PHF14: variants seen among roughly 807,000 people sequenced by gnomAD.
PHF14 encodes PHD finger protein 14.
PHF14 carries 55 observed loss-of-function variants against 117.9 expected under a neutral mutation model. The observed-to-expected ratio is 0.47, with a 90% CI of 0.38 to 0.58. The LOEUF (loss-of-function observed/expected upper bound fraction) is 0.58, where lower values mean the gene tolerates loss of function less well. Among genes scored for constraint, PHF14 ranks in the 20% least tolerant of loss-of-function variants. PHF14 has a pLI of 0.00. For missense variants in PHF14, 978 were observed against 1,122.2 expected (o/e 0.87, Z 1.84); for synonymous variants, 409 against 368.6 (o/e 1.11, Z -1.26).
At chr7:11,099,724 C>T (rs1453070486) in intron 16 of PHF14, among the ~76,000 whole-genome samples, 1 of 152,012 alleles carries the variant, frequency 6.6e-6, no homozygotes, top group African/African-American at 2.4e-5. Context: ...AGATCATTGT[C>T]TTATCTTTAA....
intron 4 of PHF14, among the ~76,000 whole-genome samples, chr7:11,011,867 G>C (rs941131120): frequency 2.0e-5 from 3 of 152,154 alleles, no homozygotes; most frequent in Non-Finnish European, 2.9e-5. Context: ...GTACTTCATT[G>C]TTGGTTATCA....
intron 17 of PHF14, among the ~76,000 whole-genome samples, chr7:11,164,838 G>C (rs564316112): frequency 6.6e-6 from 1 of 152,082 alleles, no homozygotes; most frequent in Admixed American, 6.6e-5. Context: ...TTTTTATGTA[G>C]TCCAGGATTC....
intron 16 of PHF14, among the ~76,000 whole-genome samples, chr7:11,090,740 A>G (rs1562461463): frequency 1.3e-5 from 2 of 152,194 alleles, no homozygotes; most frequent in African/African-American, 4.8e-5. Context: ...AAAGGCATTC[A>G]CTTATTTATA....
intron 4 of PHF14, among the ~76,000 whole-genome samples, chr7:10,991,332 C>T (rs1782441054): frequency 6.6e-6 from 1 of 152,146 alleles, no homozygotes; most frequent in Non-Finnish European, 1.5e-5. Flanking sequence ...CACGAGCCAC[C>T]ATGCCTGGCT....
At chr7:11,082,028 A>G (rs750838976) in intron 16 of PHF14, among the ~76,000 whole-genome samples, 1 of 152,048 alleles carries the variant, frequency 6.6e-6, no homozygotes, top group Non-Finnish European at 1.5e-5. Context: ...AAGACTCTGG[A>G]TATTAGATAT....
chr7:11,093,643 A>G (rs1042823456), intron 16 of PHF14, among the ~76,000 whole-genome samples: 1 of 152,194 alleles, frequency 6.6e-6, no homozygotes. Context: ...ACTGTCACAT[A>G]TTACTCAGTG....
At chr7:11,034,892 C>A (rs1220906102) in intron 7 of PHF14, among the ~76,000 whole-genome samples, 1 of 151,806 alleles carries the variant, frequency 6.6e-6, no homozygotes, top group Non-Finnish European at 1.5e-5. Flanking sequence ...CCATTGTTAG[C>A]CAGTTAGAAA....
chr7:11,095,980 G>A (rs997764651), intron 16 of PHF14, among the ~76,000 whole-genome samples: 1 of 152,052 alleles, frequency 6.6e-6, no homozygotes, highest in Non-Finnish European at 1.5e-5. Flanking sequence ...TTCATAACTA[G>A]TAATTCTATT....
At chr7:11,148,884 A>G (rs1443140170) in intron 17 of PHF14, among the ~76,000 whole-genome samples, 1 of 152,262 alleles carries the variant, frequency 6.6e-6, no homozygotes, top group Non-Finnish European at 1.5e-5. Context: ...TTTAAACTTT[A>G]TAATAACTGT....
chr7:11,057,582 C>T (rs1470887255), intron 14 of PHF14, among the ~76,000 whole-genome samples: 1 of 152,012 alleles, frequency 6.6e-6, no homozygotes, highest in Non-Finnish European at 1.5e-5. Flanking sequence ...CCATGTTGGC[C>T]AGGCTGGTTT....
rs1052770599 is a variant in PHF14, at chr7:11,010,032, G to A, written c.1046-3715G>A. On this transcript the variant is annotated intron_variant, in intron 4 of 17. Transcript: ENST00000634607. ...ATTTACCTTGATTTGGCTGAATGAA[G>A]TTAATAAATTGGATAGCTCCTTAAG... Among the ~76,000 whole-genome samples, 13 of 152,148 alleles carry A rather than the reference G, an allele frequency of 8.5e-5. No individual in the cohort carries two copies. In the East Asian group the frequency reaches 2.5e-3, roughly 29 times the overall value.
intron 17 of PHF14, among the ~76,000 whole-genome samples, chr7:11,129,035 G>A (rs1788016108): frequency 6.6e-6 from 1 of 151,896 alleles, no homozygotes; most frequent in Non-Finnish European, 1.5e-5. Context: ...TACAACAGAG[G>A]ATATTTCTGT....
chr7:11,125,449 T>G (rs1430553579), intron 17 of PHF14, among the ~76,000 whole-genome samples: 1 of 152,138 alleles, frequency 6.6e-6, no homozygotes, highest in Non-Finnish European at 1.5e-5. Flanking sequence ...AATACTTGCT[T>G]CTAAGTGTAT....
intron 6 of PHF14, among the ~76,000 whole-genome samples, chr7:11,027,701 C>G (rs1227014583): frequency 1.4e-5 from 2 of 142,260 alleles, no homozygotes; most frequent in Non-Finnish European, 3.2e-5. Flanking sequence ...CCTAAAATTA[C>G]TTTTAGTTGT....
intron 17 of PHF14, among the ~76,000 whole-genome samples, chr7:11,153,687 A>T (rs992922585): frequency 6.6e-6 from 1 of 152,184 alleles, no homozygotes; most frequent in Admixed American, 6.5e-5. Context: ...TAAGAGGCCA[A>T]TATTGTCATT....
intron 16 of PHF14, chr7:11,107,528 T>A: frequency 1.1e-6 from 1 of 884,668 alleles, no homozygotes; most frequent in Non-Finnish European, 1.4e-6. Context: ...ATAGTGTTAA[T>A]GTGTACAGTG....
chr7:11,089,278 G>A (rs1786548619), intron 16 of PHF14, among the ~76,000 whole-genome samples: 1 of 152,188 alleles, frequency 6.6e-6, no homozygotes. Context: ...AGTTAGTTAT[G>A]CAGTATACTA....
intron 16 of PHF14, chr7:11,107,764 A>G (rs1583471632): frequency 3.4e-6 from 3 of 870,688 alleles, no homozygotes; most frequent in Non-Finnish European, 2.8e-6. Flanking sequence ...TTGTGGGTCA[A>G]TGACTGCTTC....
rs1268708269 is a variant in PHF14, at chr7:11,103,444, A to T, written c.2655-7906A>T. The T allele has an allele frequency of 9.2e-6, 9 of 982,600 alleles. No homozygotes were observed. The East Asian group carries it at 1.0e-3, about 112-fold the overall frequency. The allele number at this position is 982,600 out of a possible 1,614,324, so 60.9% of individuals were successfully genotyped here. A position where few individuals can be genotyped will look rare whatever the true frequency, so the allele number is the denominator to read the frequency against. On this transcript the variant is annotated intron_variant, in intron 16 of 17. Transcript: ENST00000634607. Reference sequence around the variant, plus strand: ...AAGAAAGATCTTCATCAACATCTGTATCTTTCCAGAGGTATACAGAATTAA... The same window carrying T: ...AAGAAAGATCTTCATCAACATCTGTTTCTTTCCAGAGGTATACAGAATTAA...
Sources: allele counts gnomAD v4.1 joint callset (sites outside exome capture counted in the v4.1 genomes callset), GRCh38; gene constraint gnomAD v4.1.1; transcripts MANE v1.5; gene names NCBI Gene and HGNC (gene_info 2026-07-23, HGNC 2026-07-21).